CNTN5: variants seen among roughly 807,000 people sequenced by gnomAD.
CNTN5 encodes contactin 5, also known as contactin-5.
Under a neutral mutation model 129.1 loss-of-function variants are expected in CNTN5, and 77 were observed. The ratio of observed to expected loss-of-function variants is 0.60; its 90% CI spans 0.50 to 0.72. The LOEUF (loss-of-function observed/expected upper bound fraction) is 0.72, where lower values mean the gene tolerates loss of function less well. CNTN5 is among the 30% of genes least tolerant of loss of function. The probability of loss-of-function intolerance (pLI) is 0.00; values close to 1 mark genes in which losing one functional copy is unlikely to be tolerated. For synonymous variants in CNTN5, 509 were observed against 465.6 expected, an observed-to-expected ratio of 1.09 and a Z score of -1.20; for missense variants, 1,478 against 1,328.8, an observed-to-expected ratio of 1.11 and a Z score of -1.75.
At chr11:99,340,281 A>C (rs1866449184) in intron 2 of CNTN5, among the ~76,000 whole-genome samples, 1 of 152,206 alleles carries the variant, frequency 6.6e-6, no homozygotes, top group African/African-American at 2.4e-5. Flanking sequence ...AATAGTTAGC[A>C]GGACATATAA....
At chr11:100,135,339 C>A (rs1460436933) in intron 13 of CNTN5, among the ~76,000 whole-genome samples, 1 of 151,884 alleles carries the variant, frequency 6.6e-6, no homozygotes, top group Non-Finnish European at 1.5e-5. Flanking sequence ...CCATGCCCAG[C>A]TAATTTTTTA....
intron 16 of CNTN5, among the ~76,000 whole-genome samples, chr11:100,251,600 T>C (rs1040186242): frequency 2.0e-5 from 3 of 152,106 alleles, no homozygotes; most frequent in African/African-American, 7.2e-5. Context: ...CAGCTTCTAA[T>C]GTCCTCTGTC....
intron 3 of CNTN5, among the ~76,000 whole-genome samples, chr11:99,583,043 G>A (rs189343702): frequency 1.3e-5 from 2 of 152,340 alleles, no homozygotes; most frequent in Admixed American, 1.3e-4. Context: ...CCTTCTAACA[G>A]TCAGGACTCT....
At chr11:99,192,546 C>A (rs1226958639) in intron 1 of CNTN5, among the ~76,000 whole-genome samples, 1 of 151,742 alleles carries the variant, frequency 6.6e-6, no homozygotes, top group East Asian at 1.9e-4. Flanking sequence ...ACATTAGATA[C>A]TAGAATTATA....
chr11:100,187,731 G>C (rs1591370812), intron 13 of CNTN5, among the ~76,000 whole-genome samples: 1 of 152,210 alleles, frequency 6.6e-6, no homozygotes, highest in East Asian at 1.9e-4. Flanking sequence ...TCGCTGACAA[G>C]TCATATGCAA....
intron 3 of CNTN5, among the ~76,000 whole-genome samples, chr11:99,698,823 C>T (rs985962847): frequency 2.0e-5 from 3 of 149,998 alleles, no homozygotes; most frequent in East Asian, 3.9e-4. Flanking sequence ...TGAAAGTATT[C>T]TAAAGAGCAA....
chr11:99,805,641 A>G (rs1211909548), intron 3 of CNTN5, among the ~76,000 whole-genome samples: 1 of 152,196 alleles, frequency 6.6e-6, no homozygotes, highest in Admixed American at 6.5e-5. Context: ...AACACTTTCA[A>G]TATGATATAA....
chr11:99,585,018 C>A (rs1476476335), intron 3 of CNTN5, among the ~76,000 whole-genome samples: 1 of 152,216 alleles, frequency 6.6e-6, no homozygotes, highest in Non-Finnish European at 1.5e-5. Flanking sequence ...TGAGCTAGAC[C>A]ATTTCCCAAT....
chr11:99,579,149 G>A (rs1181688778), intron 3 of CNTN5, among the ~76,000 whole-genome samples: 7 of 152,020 alleles, frequency 4.6e-5, no homozygotes, highest in Admixed American at 6.6e-5. Flanking sequence ...GTAGATATGC[G>A]GCATTATTTC....
At chr11:99,362,716 G>T (rs150347008) in intron 2 of CNTN5, among the ~76,000 whole-genome samples, 3 of 151,414 alleles carry the variant, frequency 2.0e-5, no homozygotes, top group Non-Finnish European at 4.4e-5. Context: ...TAAAGTACAG[G>T]TCCAACTTCA....
chr11:99,686,192 A>G lies in CNTN5; in HGVS notation c.55+129923A>G, dbSNP rs77752878. 9.0e-3 allele frequency among the ~76,000 whole-genome samples: 1,374 copies of G among 152,120 alleles called. 22 individuals carry two copies. Among genetic ancestry groups the G allele is most frequent in the African/African-American group, 0.03 (1,252 of 41,516 alleles). ...GTTAACATGGTTTTATACAGTCATT[A>G]CTTGAATAGATTGACCCACCAATTT... On this transcript the variant is annotated intron_variant, in intron 3 of 24. Transcript: ENST00000524871.
chr11:100,211,767 A>G (rs1406061969), intron 15 of CNTN5, among the ~76,000 whole-genome samples: 1 of 152,200 alleles, frequency 6.6e-6, no homozygotes, highest in Non-Finnish European at 1.5e-5. Flanking sequence ...AACCACAATG[A>G]AGGTACATTT....
rs891287236 is a variant in CNTN5, at chr11:99,244,409, C to T, written c.-209-80937C>T. Among the ~76,000 whole-genome samples the T allele has an allele frequency of 3.9e-5, 6 of 152,118 alleles. No homozygotes were observed. In the East Asian group the frequency reaches 5.8e-4, roughly 15 times the overall value. On this transcript the variant is annotated intron_variant, in intron 1 of 24. Coordinates refer to ENST00000524871, the MANE Select transcript of CNTN5 (RefSeq NM_014361.4). ...CCTTTATTTTATTCATTGGTGTAAC[C>T]CCAGAGCCTACCTCATTCCTTGTAG...
rs556873447 is a variant in CNTN5 at position 99,687,865 on chromosome 11, T to G, written c.55+131596T>G. On this transcript the variant is annotated intron_variant, in intron 3 of 24. Transcript: ENST00000524871. Reference sequence around the variant, plus strand: ...GTGCTGGTTCTGTCCTGTGACATGATAGGAATCAAATTATATTCCCAGTCT... The same window carrying G: ...GTGCTGGTTCTGTCCTGTGACATGAGAGGAATCAAATTATATTCCCAGTCT... 3.3e-5 allele frequency among the ~76,000 whole-genome samples: 5 copies of G among 152,334 alleles called. No homozygotes were observed. In the South Asian group the frequency reaches 1.0e-3, roughly 32 times the overall value.
chr11:100,283,572 G>A (rs1477596383), intron 18 of CNTN5, among the ~76,000 whole-genome samples: 2 of 152,170 alleles, frequency 1.3e-5, no homozygotes, highest in Non-Finnish European at 2.9e-5. Flanking sequence ...GAGCACTTGA[G>A]CCTGTGGTGG....
At chr11:100,162,063 GA>G (rs1346740608) in intron 13 of CNTN5, among the ~76,000 whole-genome samples, 2 of 151,696 alleles carry the variant, frequency 1.3e-5, no homozygotes, top group Non-Finnish European at 2.9e-5. Context: ...CCAAGTGGGT[GA>G]ATAGGGAAGA....
In CNTN5 at chr11:99,358,412, T is replaced by G. The variant is rs1938864846; in HGVS notation, c.-71+32928T>G. Among the ~76,000 whole-genome samples, 2 of 151,038 alleles carry G rather than the reference T, an allele frequency of 1.3e-5. 1 individual carries two copies. The highest frequency in any genetic ancestry group is 4.2e-4 in the South Asian group (2 of 4,756). ...GAAACCCTGTCTCTACTACAAAAAATTAGCCAGGCGTGGTGATGTGCACCT... is the reference window on the plus strand; with the variant it reads ...GAAACCCTGTCTCTACTACAAAAAAGTAGCCAGGCGTGGTGATGTGCACCT... On this transcript the variant is annotated intron_variant, in intron 2 of 24. Transcript: ENST00000524871.
intron 7 of CNTN5, among the ~76,000 whole-genome samples, chr11:99,950,425 G>A (rs1950646472): frequency 1.3e-5 from 2 of 152,222 alleles, no homozygotes; most frequent in Non-Finnish European, 2.9e-5. Context: ...AGCTTGCAAT[G>A]AGCCAAGATT....
chr11:99,309,397 A>T (rs1371811311), intron 1 of CNTN5, among the ~76,000 whole-genome samples: 1 of 152,240 alleles, frequency 6.6e-6, no homozygotes, highest in Admixed American at 6.5e-5. Context: ...TGGAAAGCAC[A>T]GCGTATCCGC....
Sources: allele counts gnomAD v4.1 joint callset (sites outside exome capture counted in the v4.1 genomes callset), GRCh38; gene constraint gnomAD v4.1.1; transcripts MANE v1.5; gene names NCBI Gene and HGNC (gene_info 2026-07-23, HGNC 2026-07-21).